The following HACE1 variants were observed in gnomAD, a reference collection of about 807,000 sequenced individuals.
HACE1 encodes the protein E3 ubiquitin-protein ligase HACE1.
In HACE1, 73 loss-of-function variants were observed where a neutral mutation model predicts 118.4. That is an observed-to-expected ratio of 0.62 (90% confidence interval 0.51 to 0.75). The LOEUF (loss-of-function observed/expected upper bound fraction) is 0.75. HACE1 is among the 30% of genes least tolerant of loss of function. HACE1 has a pLI of 0.00. For synonymous variants in HACE1, 368 were observed against 374.8 expected (o/e 0.98, Z 0.21); for missense variants, 749 against 1,102.2 (o/e 0.68, Z 4.54).
chr6:104,785,252 T>G lies in HACE1; in HGVS notation c.1142A>C (p.Asn381Thr). The stretch of plus-strand genomic sequence containing the variant: ...AGTGATCTCTGTTGAGTCTCTTTTG[T>G]TTTTCATCAATTCTGTGGCTATTAA... ...LVLIATELMKNKRDSTEITSI... is the reference protein window; with the variant it reads ...LVLIATELMKTKRDSTEITSI... Residue 381 changes from asparagine (N) to threonine (T), a missense_variant, in exon 12 of 24, where the codon AAC becomes ACC. Physicochemically the swap from Asn to Thr is moderately conservative, Grantham distance 65. This residue lies in a region of HACE1 where 267 missense variants were observed against 312.2 expected (regional missense o/e 0.86). Transcript: ENST00000262903. 1 of 1,613,266 alleles carries G rather than the reference T, an allele frequency of 6.2e-7. No homozygotes were observed. Among genetic ancestry groups the G allele is most frequent in the Non-Finnish European group, 8.5e-7 (1 of 1,179,274 alleles).
chr6:104,859,434 G>T, intron 1 of HACE1, 133 bp downstream of exon 1: 1 of 734,410 alleles, frequency 1.4e-6, no homozygotes, highest in Non-Finnish European at 2.1e-6. Flanking sequence ...CCGCCTCTCA[G>T]CTCTGGAAAG....
intron 2 of HACE1, among the ~76,000 whole-genome samples, chr6:104,851,263 T>C (rs1776176862): frequency 6.6e-6 from 1 of 152,118 alleles, no homozygotes; most frequent in Non-Finnish European, 1.5e-5. Flanking sequence ...TTTGTATTTT[T>C]AGTAGAGAGG....
intron 1 of HACE1, among the ~76,000 whole-genome samples, chr6:104,853,777 AC>A (rs1213777125): frequency 6.6e-6 from 1 of 152,222 alleles, no homozygotes; most frequent in East Asian, 1.9e-4. Flanking sequence ...GAAAGGGGAC[AC>A]ATCACTTTTG....
At chr6:104,823,929 T>C (rs1173596146) in intron 6 of HACE1, among the ~76,000 whole-genome samples, 1 of 152,158 alleles carries the variant, frequency 6.6e-6, no homozygotes, top group Non-Finnish European at 1.5e-5. Context: ...TCTCCAGTCA[T>C]TTCTCTGAGG....
At chr6:104,744,004 A>T (rs1158058870) in intron 22 of HACE1, among the ~76,000 whole-genome samples, 156 bp downstream of exon 22, 1 of 152,258 alleles carries the variant, frequency 6.6e-6, no homozygotes, top group East Asian at 1.9e-4. Context: ...CTTATCTTTA[A>T]TACCAAAATA....
intron 6 of HACE1, among the ~76,000 whole-genome samples, chr6:104,822,795 T>C (rs1230857661): frequency 6.6e-6 from 1 of 152,086 alleles, no homozygotes; most frequent in African/African-American, 2.4e-5. Flanking sequence ...AGGCGGAGGT[T>C]GCAGTGAGCG....
At chr6:104,744,278 G>A in intron 21 of HACE1, 48 bp from the exon 22 acceptor site, 1 of 1,133,860 alleles carries the variant, frequency 8.8e-7, no homozygotes, top group East Asian at 2.3e-5. Context: ...AGCAATTGTA[G>A]ACTTCTCAAT....
At chr6:104,753,936 A>T (rs1160113135) in intron 19 of HACE1, among the ~76,000 whole-genome samples, 1 of 152,208 alleles carries the variant, frequency 6.6e-6, no homozygotes, top group Non-Finnish European at 1.5e-5. Context: ...AGTCTTCAGA[A>T]GGTGGGTAAT....
chr6:104,817,263 G>A lies in HACE1; in HGVS notation c.535-5870C>T, dbSNP rs528540359. Among the ~76,000 whole-genome samples, 17 of 152,224 alleles carry A rather than the reference G, an allele frequency of 1.1e-4. No individual in the cohort carries two copies. The South Asian group carries it at 1.9e-3, about 17-fold the overall frequency. On this transcript the variant is annotated intron_variant, in intron 6 of 23. Transcript: ENST00000262903. ...GATTTGTGTCCCCGCCAAATCTCACGTCAAATTGGAAGAGAGGTCTGGGGG... is the reference window on the plus strand; with the variant it reads ...GATTTGTGTCCCCGCCAAATCTCACATCAAATTGGAAGAGAGGTCTGGGGG...
intron 1 of HACE1, among the ~76,000 whole-genome samples, chr6:104,853,177 C>T (rs908455881): frequency 7.2e-5 from 11 of 152,184 alleles, no homozygotes; most frequent in African/African-American, 2.2e-4. Context: ...CCTCTCTCAC[C>T]GTTCTGCCTT....
intron 9 of HACE1, 113 bp downstream of exon 9, chr6:104,796,542 G>A (rs1769654573): frequency 1.4e-6 from 1 of 703,456 alleles, no homozygotes; most frequent in East Asian, 2.7e-5. Flanking sequence ...TAATTATTAA[G>A]ATATTTGTGA....
At position 104,729,631 on chromosome 6, in the gene HACE1, A is replaced by G. The variant is rs41285456; in HGVS notation, c.*31T>C. ...TTACTTCTGCCATTCTGAATTGTGC[A>G]TCAGTAGTCAGAGGAGTTTTCCAGA... On this transcript the variant is annotated 3_prime_UTR_variant, in exon 24 of 24. Coordinates refer to ENST00000262903, the MANE Select transcript of HACE1 (RefSeq NM_020771.4). The G allele has an allele frequency of 1.7e-4, 169 of 991,010 alleles. No individual in the cohort carries two copies. The highest frequency in any genetic ancestry group is 2.7e-4 in the Non-Finnish European group (162 of 610,994). The allele number at this position is 991,010 out of a possible 1,614,324, so 61.4% of individuals were successfully genotyped here.
chr6:104,859,752 TG>T lies in HACE1; in HGVS notation c.-111del. On this transcript the variant is annotated 5_prime_UTR_variant, in exon 1 of 24. Coordinates refer to ENST00000262903, the MANE Select transcript of HACE1 (RefSeq NM_020771.4). ...CGTCCAGCAGGCGGAGACGCGGGCT[TG>T]CCCCGGCTAGAGCACTGAGCTGCGA... The T allele has an allele frequency of 9.6e-7, 1 of 1,039,344 alleles. No homozygotes were observed. The highest frequency in any genetic ancestry group is 1.4e-6 in the Non-Finnish European group (1 of 718,716). The allele number at this position is 1,039,344 out of a possible 1,614,324, so 64.4% of individuals were successfully genotyped here.
chr6:104,782,990 A>G (rs139549761), intron 14 of HACE1, among the ~76,000 whole-genome samples: 4 of 152,324 alleles, frequency 2.6e-5, no homozygotes, highest in Middle Eastern at 3.4e-3. Flanking sequence ...CTAACAGCCT[A>G]GCAAACAAAG....
chr6:104,849,458 T>C (rs939381834), intron 3 of HACE1, among the ~76,000 whole-genome samples: 4 of 151,064 alleles, frequency 2.6e-5, no homozygotes, highest in Non-Finnish European at 5.9e-5. Context: ...CACCTCAGCC[T>C]CCCAAGTAGC....
At position 104,729,427 on chromosome 6, in the gene HACE1, T is replaced by G. The variant is rs1405737856; in HGVS notation, c.*235A>C. On this transcript the variant is annotated 3_prime_UTR_variant, in exon 24 of 24. Transcript: ENST00000262903. ...AAAGGACAGTCTCTATTACTTTCAG[T>G]TAGCATTTTAAAAAATAAAATCTAC... 5 of 526,884 alleles carry G rather than the reference T, an allele frequency of 9.5e-6. No individual in the cohort carries two copies. The highest frequency in any genetic ancestry group is 1.7e-5 in the Non-Finnish European group (5 of 294,972). 32.6% of individuals were successfully genotyped at this position (526,884 alleles called of 1,614,324 possible).
chr6:104,825,236 G>A (rs1048197307), intron 6 of HACE1, among the ~76,000 whole-genome samples: 2 of 152,102 alleles, frequency 1.3e-5, no homozygotes, highest in Non-Finnish European at 2.9e-5. Context: ...GAAATAAATT[G>A]GAAGGAAAAC....
intron 6 of HACE1, among the ~76,000 whole-genome samples, chr6:104,822,633 G>A (rs1375202199): frequency 6.6e-6 from 1 of 151,938 alleles, no homozygotes; most frequent in Non-Finnish European, 1.5e-5. Flanking sequence ...GAGGCAGTCG[G>A]ATCACTAGAG....
At chr6:104,758,423 C>G (rs974156789) in intron 19 of HACE1, among the ~76,000 whole-genome samples, 1 of 152,132 alleles carries the variant, frequency 6.6e-6, no homozygotes, top group Admixed American at 6.5e-5. Context: ...GAATTTTCAA[C>G]CCAGAATTTC....
Sources: allele counts gnomAD v4.1 joint callset (sites outside exome capture counted in the v4.1 genomes callset), GRCh38; gene constraint gnomAD v4.1.1; regional missense constraint gnomAD v4.1.1; transcripts MANE v1.5; gene names NCBI Gene and HGNC (gene_info 2026-07-23, HGNC 2026-07-21).